ZNF860: variants seen among roughly 807,000 people sequenced by gnomAD.
ZNF860 encodes the protein zinc finger protein 860.
For missense variants in ZNF860, 641 were observed against 759.2 expected, an observed-to-expected ratio of 0.84 and a Z score of 1.83; for synonymous variants, 206 against 248.9, an observed-to-expected ratio of 0.83 and a Z score of 1.62.
At position 31,989,489 on chromosome 3, in the gene ZNF860, G is replaced by A. The variant is rs1698992784; in HGVS notation, c.410G>A (p.Ser137Asn). The change falls in exon 2 of 2, where the codon AGC becomes AAC. Residue 137 changes from serine to asparagine, a missense_variant. Physicochemically the swap from Ser to Asn is conservative, Grantham distance 46. Transcript: ENST00000360311. The part of the protein sequence containing the change: ...TMTQIKKLTG[S>N]TDRYDRRHPG... ...ACACAAATCAAAAAGTTGACTGGTA[G>A]CACCGACAGATATGATCGAAGGCAT... is the stretch of plus-strand genomic sequence containing the variant. 1 of 1,614,058 alleles carries A rather than the reference G, an allele frequency of 6.2e-7. No individual in the cohort carries two copies. Among genetic ancestry groups the A allele is most frequent in the Non-Finnish European group, 8.5e-7 (1 of 1,180,038 alleles).
At chr3:31,996,751 C>T in the ZNF860 span, among the ~76,000 whole-genome samples, 1 of 151,934 alleles carries the variant, frequency 6.6e-6, no homozygotes, top group Non-Finnish European at 1.5e-5. Flanking sequence ...GCCGAAAAAC[C>T]AGCAAAAAGA....
the ZNF860 span, among the ~76,000 whole-genome samples, chr3:32,003,452 C>G: frequency 6.6e-6 from 1 of 152,186 alleles, no homozygotes; most frequent in Admixed American, 6.5e-5. Flanking sequence ...ACCATCCCAT[C>G]CTGTTTCCTG....
chr3:31,995,258 C>T (rs1472336429), downstream of ZNF860, among the ~76,000 whole-genome samples: 4 of 152,156 alleles, frequency 2.6e-5, no homozygotes, highest in Non-Finnish European at 5.9e-5. Context: ...GAGAGTACTG[C>T]AGGAGACCAG....
At position 31,981,928 on chromosome 3, in the gene ZNF860, A is replaced by G. The variant is rs1575076614; in HGVS notation, c.-421+26A>G. 1.3e-5 allele frequency: 2 copies of G among 152,320 alleles called. No homozygotes were observed. Among genetic ancestry groups the G allele is most frequent in the African/African-American group, 4.8e-5 (2 of 41,570 alleles). The allele number at this position is 152,320 out of a possible 1,614,324, so 9.4% of individuals were successfully genotyped here. A position where few individuals can be genotyped will look rare whatever the true frequency, so the allele number is the denominator to read the frequency against. On this transcript the variant is annotated intron_variant, in intron 1 of 1. Transcript: ENST00000360311. The surrounding 1 kb of genome is among the most constrained non-coding windows in gnomAD (Gnocchi z 4.5). ...GTAAGCTCGCCGGGCATTTTCATGC[A>G]GCAGGATTATGATAAATGCTTAACA...
intron 1 of ZNF860, among the ~76,000 whole-genome samples, chr3:31,987,421 T>G (rs1698949137): frequency 6.6e-6 from 1 of 152,234 alleles, no homozygotes; most frequent in African/African-American, 2.4e-5. Context: ...AATAACCTTT[T>G]ACATTAGTTT....
Position 31,989,528 on chromosome 3 carries a change from C to T in ZNF860, c.449C>T (p.Pro150Leu), listed in dbSNP as rs776159912. The T allele has an allele frequency of 2.0e-5, 32 of 1,614,186 alleles. No individual in the cohort carries two copies. The highest frequency in any genetic ancestry group is 2.7e-5 in the Non-Finnish European group (32 of 1,180,028). ...GATCGAAGGCATCCTGGAAACAAGCCTATCAAAGATCAGCTTGGATTAAGC... is the reference window on the plus strand; with the variant it reads ...GATCGAAGGCATCCTGGAAACAAGCTTATCAAAGATCAGCTTGGATTAAGC... ...RYDRRHPGNK[P>L]IKDQLGLSFH... Residue 150 changes from proline to leucine, a missense_variant, in exon 2 of 2, where the codon CCT (proline) becomes CTT (leucine). Pro to Leu is a moderately conservative substitution (Grantham distance 98). Transcript: ENST00000360311.
downstream of ZNF860, among the ~76,000 whole-genome samples, chr3:31,994,208 G>T (rs997661356): frequency 2.6e-5 from 4 of 152,146 alleles, no homozygotes; most frequent in Non-Finnish European, 5.9e-5. Context: ...AGTAGTGATT[G>T]CCAAGAGTTA....
chr3:31,994,496 G>GGATT (rs753726269), downstream of ZNF860, among the ~76,000 whole-genome samples: 258 of 74,190 alleles, frequency 3.5e-3, no homozygotes, highest in Middle Eastern at 0.019. Flanking sequence ...AAAAAAGGAT[G>GGATT]GATGGATGGA....
chr3:32,000,007 G>A, the ZNF860 span, among the ~76,000 whole-genome samples: 4 of 152,130 alleles, frequency 2.6e-5, no homozygotes, highest in African/African-American at 9.7e-5. Context: ...AGCTATAACA[G>A]GGAGATGATC....
At chr3:31,999,682 C>A in the ZNF860 span, among the ~76,000 whole-genome samples, 1 of 152,184 alleles carries the variant, frequency 6.6e-6, no homozygotes, top group South Asian at 2.1e-4. Flanking sequence ...TTTAAAAATT[C>A]TTTGCCATTC....
chr3:31,996,240 T>A (rs1433719218), downstream of ZNF860, among the ~76,000 whole-genome samples: 2 of 152,186 alleles, frequency 1.3e-5, no homozygotes, highest in Non-Finnish European at 2.9e-5. Flanking sequence ...GAAAATACAA[T>A]TCAATGTTCC....
chr3:31,996,379 A>T (rs1472221897), downstream of ZNF860, among the ~76,000 whole-genome samples: 1 of 152,222 alleles, frequency 6.6e-6, no homozygotes, highest in East Asian at 1.9e-4. Flanking sequence ...GGGAACAATG[A>T]TATGATTGTG....
downstream of ZNF860, among the ~76,000 whole-genome samples, chr3:31,992,145 CAAA>C (rs527764918): frequency 6.1e-5 from 4 of 65,542 alleles, no homozygotes; most frequent in Non-Finnish European, 7.0e-5. Flanking sequence ...GACTCCATCT[CAAA>C]AAAAAAAAAA....
chr3:31,998,492 A>T, the ZNF860 span, among the ~76,000 whole-genome samples: 2 of 152,178 alleles, frequency 1.3e-5, no homozygotes, highest in African/African-American at 4.8e-5. Flanking sequence ...CTTCACAACT[A>T]CTGTATATTA....
intron 1 of ZNF860, among the ~76,000 whole-genome samples, chr3:31,985,749 G>T (rs141474390): frequency 6.6e-6 from 1 of 152,346 alleles, no homozygotes; most frequent in African/African-American, 2.4e-5. Flanking sequence ...GTGGTCTGAT[G>T]TGTTGTACGT....
chr3:31,984,976 A>C (rs1265444842), intron 1 of ZNF860, among the ~76,000 whole-genome samples: 1 of 152,168 alleles, frequency 6.6e-6, no homozygotes, highest in African/African-American at 2.4e-5. Flanking sequence ...CGGTGGCTCA[A>C]GCCTGTAATC....
the ZNF860 span, among the ~76,000 whole-genome samples, chr3:32,000,513 CATATAAAGG>C: frequency 1.3e-5 from 2 of 152,182 alleles, no homozygotes; most frequent in Admixed American, 6.5e-5. Flanking sequence ...TGCTGACTCC[CATATAAAGG>C]ATAATCAATG....
At chr3:31,993,098 T>A (rs962112289), downstream of ZNF860, among the ~76,000 whole-genome samples, 2 of 152,138 alleles carry the variant, frequency 1.3e-5, no homozygotes, top group Admixed American at 6.5e-5. Context: ...TTGCAAATCA[T>A]GTGTTTGACC....
At chr3:32,003,269 C>T in the ZNF860 span, among the ~76,000 whole-genome samples, 1 of 152,222 alleles carries the variant, frequency 6.6e-6, no homozygotes, top group African/African-American at 2.4e-5. Flanking sequence ...AGTATGTGTT[C>T]TCTGTTCAGG....
Sources: allele counts gnomAD v4.1 joint callset (sites outside exome capture counted in the v4.1 genomes callset), GRCh38; gene constraint gnomAD v4.1.1; non-coding constraint Gnocchi (gnomAD v3.1); transcripts MANE v1.5; gene names NCBI Gene and HGNC (gene_info 2026-07-23, HGNC 2026-07-21).